Variants in RPUSD3 observed in about 807,000 individuals in gnomAD.
RPUSD3 encodes RNA pseudouridine synthase D3, also known as mitochondrial mRNA pseudouridine synthase RPUSD3.
Under a neutral mutation model 35.1 loss-of-function variants are expected in RPUSD3, and 36 were observed. That is an observed-to-expected ratio of 1.02 (90% CI 0.79 to 1.35). RPUSD3 has a LOEUF of 1.35. Ranked by LOEUF, RPUSD3 falls within the 40% of genes most tolerant of loss-of-function variation. RPUSD3 has a pLI of 0.00. For missense variants in RPUSD3, 486 were observed against 441.9 expected (o/e 1.10, Z -0.89); for synonymous variants, 202 against 187.8 (o/e 1.08, Z -0.62).
intron 1 of RPUSD3, 75 bp downstream of exon 1, chr3:9,843,815 C>A (rs1333851432): frequency 1.3e-6 from 2 of 1,553,622 alleles, no homozygotes; most frequent in Non-Finnish European, 1.7e-6. Context: ...GTAACATCTA[C>A]CTGATCCAGA....
rs1306873854 is a variant in RPUSD3 at position 9,842,238 on chromosome 3, GA to G, written c.267del (p.Leu90Ter). 6.2e-7 allele frequency: 1 copy of G among 1,614,130 alleles called. No homozygotes were observed. On this transcript the variant is annotated frameshift_variant, in exon 3 of 9. Transcript: ENST00000383820. LOFTEE classifies it high-confidence loss of function. Reference sequence around the variant, plus strand: ...CCCTGTGGCTTGTTCAACGTCACTAGAGGTCCTGAAACATACATCACACGAA... The same window carrying G: ...CCCTGTGGCTTGTTCAACGTCACTAGGGTCCTGAAACATACATCACACGAA...
intron 6 of RPUSD3, 52 bp from the exon 7 acceptor site, chr3:9,840,359 C>A (rs1247887279): frequency 6.2e-7 from 1 of 1,613,938 alleles, no homozygotes; most frequent in African/African-American, 1.3e-5. Context: ...GGGAGCTATA[C>A]CCAGACCCTC....
chr3:9,843,299 T>C, intron 2 of RPUSD3, 166 bp downstream of exon 2: 2 of 882,612 alleles, frequency 2.3e-6, no homozygotes, highest in Admixed American at 4.7e-5. Flanking sequence ...ATCATGGCAG[T>C]AGGGTTAAAA....
exon 4 of RPUSD3, chr3:9,842,082 C>T (rs1430573660): frequency 6.2e-7 from 1 of 1,609,678 alleles, no homozygotes; most frequent in Non-Finnish European, 8.5e-7. Flanking sequence ...TCCTGGTTTT[C>T]CTGGAAAGTA....
At chr3:9,838,594 C>T (rs552330348) in intron 8 of RPUSD3, among the ~76,000 whole-genome samples, 4 of 152,296 alleles carry the variant, frequency 2.6e-5, no homozygotes, top group African/African-American at 9.6e-5. Flanking sequence ...TGGGTATCAA[C>T]AGCCTGGGTC....
In RPUSD3 at chr3:9,840,395, G is replaced by A. The variant is rs545774624; in HGVS notation, c.601-88C>T. On this transcript the variant is annotated intron_variant, in intron 6 of 8. Coordinates refer to ENST00000383820, the Ensembl canonical transcript of RPUSD3. ...CCTGCTCCCAATAGACTCCGGGCAG[G>A]GCCACAGTATAGGCAGTGGTCACTT... 1.3e-5 allele frequency: 21 copies of A among 1,611,884 alleles called. 1 individual carries two copies. The South Asian group carries it at 1.3e-4, about 10-fold the overall frequency.
At chr3:9,840,875 G>A in intron 4 of RPUSD3, 70 bp from the exon 5 acceptor site, 1 of 1,175,978 alleles carries the variant, frequency 8.5e-7, no homozygotes, top group South Asian at 1.4e-5. Flanking sequence ...AAACTCTTAG[G>A]AACACTGACC....
At chr3:9,843,382 C>A in intron 2 of RPUSD3, 83 bp downstream of exon 2, 4 of 1,577,550 alleles carry the variant, frequency 2.5e-6, no homozygotes, top group Non-Finnish European at 3.5e-6. Flanking sequence ...CAGGGCTGAT[C>A]CCGTGGCTTC....
chr3:9,839,498 C>A, intron 7 of RPUSD3: 1 of 208,658 alleles, frequency 4.8e-6, no homozygotes, highest in Non-Finnish European at 9.6e-6. Context: ...TGGTCACATA[C>A]ACCTCTGGGG....
chr3:9,839,653 C>T (rs1427075036), intron 7 of RPUSD3: 2 of 155,872 alleles, frequency 1.3e-5, no homozygotes, highest in Non-Finnish European at 2.8e-5. Flanking sequence ...TCTTCGCTCA[C>T]TGCAACCTCT....
intron 2 of RPUSD3, 65 bp from the exon 3 acceptor site, chr3:9,842,308 T>C: frequency 6.6e-7 from 1 of 1,510,102 alleles, no homozygotes; most frequent in Non-Finnish European, 9.2e-7. Context: ...CACTAAAGAG[T>C]TTCCAGAGCA....
chr3:9,842,158 C>T, intron 3 of RPUSD3, 41 bp downstream of exon 3: 7 of 1,613,812 alleles, frequency 4.3e-6, no homozygotes, highest in East Asian at 2.2e-5. Context: ...GTCACGAAAC[C>T]CCCTTCCGCT....
At chr3:9,843,976 A>T (rs758791048) in exon 1 of RPUSD3, 24 of 1,603,522 alleles carry the variant, frequency 1.5e-5, no homozygotes, top group Non-Finnish European at 2.0e-5. Context: ...GGCCCAAAAC[A>T]CGGCGGCCGT....
intron 2 of RPUSD3, chr3:9,842,590 C>T (rs146270202): frequency 3.7e-4 from 130 of 356,150 alleles, no homozygotes; most frequent in Non-Finnish European, 6.1e-4. Context: ...ATAGCACTTA[C>T]CACTAGTAAC....
chr3:9,843,786 C>A, intron 1 of RPUSD3, 104 bp downstream of exon 1: 1 of 1,547,380 alleles, frequency 6.5e-7, no homozygotes, highest in South Asian at 1.2e-5. Flanking sequence ...CTCAGAGAGG[C>A]CAACGGGGCT....
chr3:9,839,787 T>A lies in RPUSD3; in HGVS notation c.724+397A>T, dbSNP rs112142726. 3.9e-3 allele frequency: 650 copies of A among 166,710 alleles called. 9 individuals are homozygous for A. The highest frequency in any genetic ancestry group is 0.015 in the African/African-American group (621 of 41,566). 10.3% of individuals were successfully genotyped at this position (166,710 alleles called of 1,614,324 possible). A position where few individuals can be genotyped will look rare whatever the true frequency, so the allele number is the denominator to read the frequency against. On this transcript the variant is annotated intron_variant, in intron 7 of 8. Coordinates refer to ENST00000383820, the Ensembl canonical transcript of RPUSD3. ...GAGACAGGGTTTCACCATGTTAGCC[T>A]GGCTGGTTTCGAACTCCTGACCTCA...
chr3:9,840,038 G>T, intron 7 of RPUSD3, 146 bp downstream of exon 7: 1 of 991,806 alleles, frequency 1.0e-6, no homozygotes, highest in Non-Finnish European at 1.4e-6. Flanking sequence ...CTGCCACCGT[G>T]CCCAGCTAAT....
intron 4 of RPUSD3, 43 bp from the exon 5 acceptor site, chr3:9,840,848 C>T (rs1032502598): frequency 6.6e-7 from 1 of 1,504,834 alleles, no homozygotes; most frequent in Non-Finnish European, 9.1e-7. Context: ...GTCCCTTGAA[C>T]TCGCCCACTA....
At chr3:9,843,627 G>T (rs781433740) in intron 1 of RPUSD3, 26 bp from the exon 2 acceptor site, 1 of 1,612,278 alleles carries the variant, frequency 6.2e-7, no homozygotes, top group Middle Eastern at 1.6e-4. Context: ...GAAGCAATGG[G>T]AGTCATTCCA....
Sources: gnomAD v4.1 joint callset for allele counts (sites outside exome capture counted in the v4.1 genomes callset) on GRCh38, gnomAD v4.1.1 for gene constraint, MANE v1.5 for transcripts, NCBI Gene and HGNC (gene_info 2026-07-23, HGNC 2026-07-21) for gene names.